The following CHTF8 variants were observed in gnomAD, a reference collection of about 807,000 sequenced individuals.
CHTF8 encodes the protein chromosome transmission fidelity protein 8 homolog.
Under a neutral mutation model 11.0 loss-of-function variants are expected in CHTF8, and 6 were observed. That is an observed-to-expected ratio of 0.55 (90% CI 0.30 to 1.08). The LOEUF is 1.08. Among genes scored for constraint, CHTF8 ranks in the 50% least tolerant of loss-of-function variants. The probability of loss-of-function intolerance (pLI) is 0.07; values close to 1 mark genes in which losing one functional copy is unlikely to be tolerated. For missense variants in CHTF8, 140 were observed against 153.1 expected (o/e 0.91, Z 0.45); for synonymous variants, 53 against 60.5 (o/e 0.88, Z 0.57).
intron 1 of CHTF8, among the ~76,000 whole-genome samples, chr16:69,123,587 G>A (rs1279271825): frequency 6.6e-6 from 1 of 152,070 alleles, no homozygotes; most frequent in East Asian, 1.9e-4. Flanking sequence ...AACCCTGGGA[G>A]GCAAAGGTTA....
In CHTF8 at chr16:69,119,155, G is replaced by A. The variant is rs770014587; in HGVS notation, c.*1270C>T. Reference sequence around the variant, plus strand: ...TGGGCCAGTAGACCTTGGGAAGGTAGTTGGACTTGGACCCTGCAGGCCAGT... The same window carrying A: ...TGGGCCAGTAGACCTTGGGAAGGTAATTGGACTTGGACCCTGCAGGCCAGT... On this transcript the variant is annotated 3_prime_UTR_variant, in exon 4 of 4. Transcript: ENST00000448552. 10 of 702,942 alleles carry A rather than the reference G, an allele frequency of 1.4e-5. No homozygotes were observed. The highest frequency in any genetic ancestry group is 2.1e-5 in the Non-Finnish European group (8 of 385,022). The allele number at this position is 702,942 out of a possible 1,614,324, so 43.5% of individuals were successfully genotyped here. A position where few individuals can be genotyped will look rare whatever the true frequency, so the allele number is the denominator to read the frequency against.
intron 1 of CHTF8, among the ~76,000 whole-genome samples, chr16:69,121,811 G>T (rs939990737): frequency 6.6e-6 from 1 of 152,194 alleles, no homozygotes; most frequent in Non-Finnish European, 1.5e-5. Flanking sequence ...GGGACTACAG[G>T]TGCCCGCCAC....
At chr16:69,131,378 AG>A (rs1962499046) in intron 1 of CHTF8, 1 of 152,070 alleles carries the variant, frequency 6.6e-6, no homozygotes, top group Non-Finnish European at 1.5e-5. Flanking sequence ...GCTACTCTGC[AG>A]CCCCATCTTA....
In CHTF8 at chr16:69,125,409, C is replaced by T. The variant is rs193164508; in HGVS notation, c.-35-3916G>A. On this transcript the variant is annotated intron_variant, in intron 1 of 3. Coordinates refer to ENST00000448552, the MANE Select transcript of CHTF8 (RefSeq NM_001039690.5). Reference sequence around the variant, plus strand: ...GTCACTTGCTTGTATGTTGGACACACACAGCTGCTATGTGACAGAGTAGAA... The same window carrying T: ...GTCACTTGCTTGTATGTTGGACACATACAGCTGCTATGTGACAGAGTAGAA... Among the ~76,000 whole-genome samples the T allele has an allele frequency of 2.0e-3, 309 of 152,300 alleles. 1 individual carries two copies. The highest frequency in any genetic ancestry group is 7.0e-3 in the African/African-American group (292 of 41,538).
chr16:69,130,624 T>C (rs1303985925), intron 1 of CHTF8, among the ~76,000 whole-genome samples: 4 of 152,210 alleles, frequency 2.6e-5, no homozygotes, highest in African/African-American at 9.7e-5. Flanking sequence ...AAACACCTAT[T>C]TTGAAAGGCT....
At position 69,121,290 on chromosome 16, in the gene CHTF8, G is replaced by A; in HGVS notation, c.24-120C>T. ...TTGGATGTCAAGTTCTTGGGAAATT[G>A]GGCAGTGCTAGGCATGGAACTAGAG... On this transcript the variant is annotated intron_variant, in intron 2 of 3. Transcript: ENST00000448552. The A allele has an allele frequency of 7.2e-6, 9 of 1,242,146 alleles. No homozygotes were observed. The South Asian group carries it at 1.3e-4, about 17-fold the overall frequency. The allele number at this position is 1,242,146 out of a possible 1,614,324, so 76.9% of individuals were successfully genotyped here.
chr16:69,121,409 A>G (rs1961647219), intron 2 of CHTF8, 27 bp downstream of exon 2: 3 of 1,593,940 alleles, frequency 1.9e-6, no homozygotes, highest in African/African-American at 1.4e-5. Context: ...TTTCAAGCCA[A>G]ATTTTAAAAT....
At chr16:69,124,434 G>GT (rs573567756) in intron 1 of CHTF8, among the ~76,000 whole-genome samples, 23 of 150,734 alleles carry the variant, frequency 1.5e-4, no homozygotes, top group Non-Finnish European at 2.8e-4. Context: ...TTTTTTTTTT[G>GT]TTTTTTTGAG....
At chr16:69,131,456 TAG>T (rs1013468922) in intron 1 of CHTF8, 18 of 150,966 alleles carry the variant, frequency 1.2e-4, no homozygotes, top group African/African-American at 3.9e-4. Flanking sequence ...TAGCCCGGCG[TAG>T]AGTCTCCCTC....
Position 69,132,563 on chromosome 16 carries a change from C to G in CHTF8, c.-115G>C. On this transcript the variant is annotated 5_prime_UTR_variant, in exon 1 of 4. Coordinates refer to ENST00000448552, the MANE Select transcript of CHTF8 (RefSeq NM_001039690.5). ...CCTCCCGCCGCCGTCGCCGCCGCCG[C>G]GAGCACTGCCTGCGCACTTCCGACT... 2.6e-6 allele frequency: 1 copy of G among 384,810 alleles called. No individual in the cohort carries two copies. Among genetic ancestry groups the G allele is most frequent in the Non-Finnish European group, 5.1e-6 (1 of 195,910 alleles). The allele number at this position is 384,810 out of a possible 1,614,324, so 23.8% of individuals were successfully genotyped here. A position where few individuals can be genotyped will look rare whatever the true frequency, so the allele number is the denominator to read the frequency against.
intron 1 of CHTF8, chr16:69,132,215 T>TCCCTTCCCCCACACTCCTGGCCCTCCCAC (rs1962594303): frequency 7.2e-6 from 1 of 138,252 alleles, no homozygotes; most frequent in African/African-American, 2.8e-5. Flanking sequence ...TCCACACCGC[T>TCCCTTCCCCCACACTCCTGGCCCTCCCAC]CCCTTCCCCC....
At position 69,119,947 on chromosome 16, in the gene CHTF8, G is replaced by A; in HGVS notation, c.*478C>T. On this transcript the variant is annotated 3_prime_UTR_variant, in exon 4 of 4. Transcript: ENST00000448552. ...AGGACCTGCTCCCAGGAGACCACCTGCCCTTGGGTTGGACATAGGACCTGG... is the reference window on the plus strand; with the variant it reads ...AGGACCTGCTCCCAGGAGACCACCTACCCTTGGGTTGGACATAGGACCTGG... 1 of 701,848 alleles carries A rather than the reference G, an allele frequency of 1.4e-6. No individual in the cohort carries two copies. Among genetic ancestry groups the A allele is most frequent in the East Asian group, 2.7e-5 (1 of 37,204 alleles). The allele number at this position is 701,848 out of a possible 1,614,324, so 43.5% of individuals were successfully genotyped here.
intron 1 of CHTF8, among the ~76,000 whole-genome samples, chr16:69,129,341 AATG>A (rs1567594783): frequency 6.6e-6 from 1 of 150,894 alleles, no homozygotes; most frequent in African/African-American, 2.4e-5. Context: ...GAGGCAGGAG[AATG>A]GCGTGAACCC....
Position 69,119,729 on chromosome 16 carries a change from G to A in CHTF8, c.*696C>T, listed in dbSNP as rs1317062807. The A allele has an allele frequency of 1.2e-5, 8 of 688,962 alleles. No homozygotes were observed. The highest frequency in any genetic ancestry group is 1.9e-5 in the Non-Finnish European group (7 of 375,810). 42.7% of individuals were successfully genotyped at this position (688,962 alleles called of 1,614,324 possible). On this transcript the variant is annotated 3_prime_UTR_variant, in exon 4 of 4. Coordinates refer to ENST00000448552, the MANE Select transcript of CHTF8 (RefSeq NM_001039690.5). ...CCACTTGGTCTTGGGTTGGGCCCAAGGCCTGGGCCTGGAAACACACCTGAC... is the reference window on the plus strand; with the variant it reads ...CCACTTGGTCTTGGGTTGGGCCCAAAGCCTGGGCCTGGAAACACACCTGAC...
At chr16:69,125,480 T>C (rs889364991) in intron 1 of CHTF8, among the ~76,000 whole-genome samples, 3 of 152,120 alleles carry the variant, frequency 2.0e-5, no homozygotes, top group African/African-American at 7.2e-5. Context: ...TACACAATTC[T>C]GCCTTCCCAA....
chr16:69,130,921 G>GT (rs1392218107), intron 1 of CHTF8, among the ~76,000 whole-genome samples: 2 of 152,200 alleles, frequency 1.3e-5, no homozygotes, highest in Middle Eastern at 3.2e-3. Context: ...GTTCTGGAAG[G>GT]TAATTTCTCT....
At chr16:69,127,601 C>CCTTTTT (rs1170530279) in intron 1 of CHTF8, among the ~76,000 whole-genome samples, 5 of 104,396 alleles carry the variant, frequency 4.8e-5, no homozygotes, top group African/African-American at 1.5e-4. Context: ...CTCCCGGCAA[C>CCTTTTT]TTTTTTTTTT....
In CHTF8 at chr16:69,120,632, G is replaced by A. The variant is rs760957595; in HGVS notation, c.159C>T (p.Ile53=). 6.2e-6 allele frequency: 10 copies of A among 1,611,782 alleles called. No homozygotes were observed. Among genetic ancestry groups the A allele is most frequent in the South Asian group, 3.3e-5 (3 of 91,038 alleles). Residue 53 remains isoleucine, a synonymous_variant, in exon 4 of 4, where the codon ATC becomes ATT. Coordinates refer to ENST00000448552, the MANE Select transcript of CHTF8 (RefSeq NM_001039690.5). The surrounding 1 kb of genome is among the most constrained non-coding windows in gnomAD (Gnocchi z 4.0). ...HYTTEGIPVL[I]VGHHILYGKI... is the part of the protein sequence containing the mutation. ...TCCCATACAGGATATGATGCCCCAC[G>A]ATCAGCACAGGGATTCCCTTTGGCA... is the stretch of plus-strand genomic sequence containing the variant.
At chr16:69,130,018 G>A (rs542310536) in intron 1 of CHTF8, among the ~76,000 whole-genome samples, 2 of 152,334 alleles carry the variant, frequency 1.3e-5, no homozygotes, top group East Asian at 1.9e-4. Flanking sequence ...AGAGAATAGA[G>A]GACATTCTTT....
Sources: gnomAD v4.1 joint callset for allele counts (sites outside exome capture counted in the v4.1 genomes callset) on GRCh38, gnomAD v4.1.1 for gene constraint, Gnocchi (gnomAD v3.1) non-coding constraint, MANE v1.5 for transcripts, NCBI Gene and HGNC (gene_info 2026-07-23, HGNC 2026-07-21) for gene names.